CHST10: variants seen among roughly 807,000 people sequenced by gnomAD.
CHST10 encodes HNK-1 sulfotransferase.
Under a neutral mutation model 34.7 loss-of-function variants are expected in CHST10, and 24 were observed. That is an observed-to-expected ratio of 0.69 (90% CI 0.50 to 0.97). The LOEUF is 0.97. CHST10 is among the 50% of genes least tolerant of loss of function. CHST10 has a pLI of 0.00. For missense variants in CHST10, 402 were observed against 452.1 expected, an observed-to-expected ratio of 0.89 and a Z score of 1.00; for synonymous variants, 161 against 169.3, an observed-to-expected ratio of 0.95 and a Z score of 0.38.
At chr2:100,417,168 A>T in intron 1 of CHST10, 1 of 760,520 alleles carries the variant, frequency 1.3e-6, no homozygotes, top group South Asian at 1.4e-5. Context: ...ATCCCGCACA[A>T]GGACGCCTTC....
rs1367089630 is a variant in CHST10 at position 100,398,100 on chromosome 2, G to T, written c.235C>A (p.Leu79Met). ...AGTTCCAGGCGCTCCATGTAGACCAGGGGCTGAACGAGCTGGCTGTCTGGA... is the reference window on the plus strand; with the variant it reads ...AGTTCCAGGCGCTCCATGTAGACCATGGGCTGAACGAGCTGGCTGTCTGGA... ...ELPDSQLVQP[L>M]VYMERLELIR... The change falls in exon 5 of 7, where the codon CTG (leucine) becomes ATG (methionine). Residue 79 changes from leucine (L) to methionine (M), a missense_variant. By Grantham distance (15) the Leu-to-Met change is conservative. Coordinates refer to ENST00000264249, the MANE Select transcript of CHST10 (RefSeq NM_004854.5). The T allele has an allele frequency of 1.1e-5, 17 of 1,613,752 alleles. No homozygotes were observed. In the Admixed American group the frequency reaches 2.8e-4, roughly 27 times the overall value.
chr2:100,399,033 G>T (rs1170054689), intron 4 of CHST10, among the ~76,000 whole-genome samples: 1 of 151,934 alleles, frequency 6.6e-6, no homozygotes, highest in Non-Finnish European at 1.5e-5. Flanking sequence ...CAACCCCATC[G>T]GCCCCCTCTA....
intron 4 of CHST10, among the ~76,000 whole-genome samples, chr2:100,400,950 G>T (rs780370777): frequency 6.6e-6 from 1 of 152,202 alleles, no homozygotes; most frequent in Non-Finnish European, 1.5e-5. Flanking sequence ...CAAAGTGCTG[G>T]GATAACAGGA....
chr2:100,395,426 C>T, intron 6 of CHST10, 83 bp downstream of exon 6: 5 of 1,234,190 alleles, frequency 4.1e-6, no homozygotes, highest in Non-Finnish European at 5.9e-6. Context: ...CTGCCAAGTA[C>T]AGAACTCAGC....
intron 4 of CHST10, among the ~76,000 whole-genome samples, chr2:100,400,224 A>C (rs1675274226): frequency 6.6e-6 from 1 of 152,356 alleles, no homozygotes; most frequent in South Asian, 2.1e-4. Context: ...CTTTTCTTTT[A>C]GCAAAGCATT....
At chr2:100,405,838 C>T (rs1472283150) in intron 3 of CHST10, among the ~76,000 whole-genome samples, 1 of 152,148 alleles carries the variant, frequency 6.6e-6, no homozygotes, top group Non-Finnish European at 1.5e-5. Context: ...GAAGTGGCCT[C>T]GGGGCTGGAG....
At chr2:100,402,775 C>A in intron 3 of CHST10, 120 bp from the exon 4 acceptor site, 1 of 774,576 alleles carries the variant, frequency 1.3e-6, no homozygotes, top group Non-Finnish European at 2.1e-6. Flanking sequence ...TTTGACAAAG[C>A]CATAAAAGCC....
intron 5 of CHST10, among the ~76,000 whole-genome samples, chr2:100,396,667 T>C (rs1675073727): frequency 6.6e-6 from 1 of 152,166 alleles, no homozygotes; most frequent in Non-Finnish European, 1.5e-5. Flanking sequence ...GAACCAGCTC[T>C]GTGGGTCCAC....
At chr2:100,397,845 C>T in intron 5 of CHST10, 63 bp downstream of exon 5, 1 of 1,367,462 alleles carries the variant, frequency 7.3e-7, no homozygotes, top group Non-Finnish European at 1.0e-6. Flanking sequence ...CTGTCCTCCC[C>T]AGCCTCCTCA....
At chr2:100,416,980 C>T (rs1055021841) in intron 1 of CHST10, 5 of 1,304,110 alleles carry the variant, frequency 3.8e-6, no homozygotes, top group Non-Finnish European at 4.0e-6. Context: ...CCCCTGACTC[C>T]CCTCGCACCG....
In CHST10 at chr2:100,402,607, A is replaced by T. The variant is rs1427539508; in HGVS notation, c.149T>A (p.Val50Glu). Residue 50 changes from valine to glutamate, a missense_variant, in exon 4 of 7, where the codon GTG (valine) becomes GAG (glutamate). Physicochemically the swap from Val to Glu is moderately radical, Grantham distance 121. Coordinates refer to ENST00000264249, the MANE Select transcript of CHST10 (RefSeq NM_004854.5). ...EFLFLTTMPE[V>E]RKLPEEKHIP... ...GTGCTTCTCTTCTGGCAACTTCCTC[A>T]CTTCCGGCATGGTTGTCAGGAACAG... 1 of 1,613,826 alleles carries T rather than the reference A, an allele frequency of 6.2e-7. No individual in the cohort carries two copies. The highest frequency in any genetic ancestry group is 2.2e-5 in the East Asian group (1 of 44,876).
At chr2:100,403,980 G>A (rs1316886340) in intron 3 of CHST10, among the ~76,000 whole-genome samples, 1 of 152,208 alleles carries the variant, frequency 6.6e-6, no homozygotes, top group African/African-American at 2.4e-5. Flanking sequence ...GGGCCTCTCT[G>A]ACGCCTGCAG....
chr2:100,402,439 T>G, intron 4 of CHST10, 125 bp downstream of exon 4: 4 of 717,708 alleles, frequency 5.6e-6, no homozygotes, highest in Non-Finnish European at 9.8e-6. Flanking sequence ...CATGGAGAAG[T>G]AACACAGGAA....
rs1674882278 is a variant in CHST10, at chr2:100,393,323, G to A, written c.993C>T (p.Asp331=). The A allele has an allele frequency of 1.2e-6, 2 of 1,614,214 alleles. No individual in the cohort carries two copies. The highest frequency in any genetic ancestry group is 1.7e-6 in the Non-Finnish European group (2 of 1,180,042). Residue 331 remains aspartate (D), a synonymous_variant, in exon 7 of 7, where the codon GAC becomes GAT. Coordinates refer to ENST00000264249, the MANE Select transcript of CHST10 (RefSeq NM_004854.5). ...CGAAACGGGCATACAGGCGTCGGAT[G>A]TCTCGTTTGCTGATGCCCAGGAAAT... ...EHYFLGISKR[D]IRRLYARFEG... is the part of the protein sequence containing the mutation.
chr2:100,398,032 C>A lies in CHST10; in HGVS notation c.303G>T (p.Ser101=), dbSNP rs373281200. Residue 101 remains serine (S), a synonymous_variant, in exon 5 of 7, where the codon TCG becomes TCT. Transcript: ENST00000264249. ...VCRDDALKNL[S]HTPVSKFVLD... ...GGACAAACTTGGAGACAGGAGTGTG[C>A]GAGAGATTCTTCAGGGCATCATCCC... is the stretch of plus-strand genomic sequence containing the variant. 1.9e-6 allele frequency: 3 copies of A among 1,614,014 alleles called. No individual in the cohort carries two copies.
At chr2:100,408,400 C>T (rs1443937928) in intron 2 of CHST10, 1 of 152,160 alleles carries the variant, frequency 6.6e-6, no homozygotes, top group African/African-American at 2.4e-5. Flanking sequence ...CTGCTCACAC[C>T]CATTAGCTCT....
chr2:100,409,693 C>G (rs1675740335), intron 2 of CHST10, among the ~76,000 whole-genome samples: 1 of 152,142 alleles, frequency 6.6e-6, no homozygotes, highest in East Asian at 1.9e-4. Flanking sequence ...TCTTCGGGCT[C>G]CCATTTTTCA....
Position 100,395,504 on chromosome 2 carries a change from C to T in CHST10, c.533+5G>A. ...CCCCCTCCCCTTTGAGGAAGCTGTTCTCACCGCTTCTGAATTTCTGCATCA... is the reference window on the plus strand; with the variant it reads ...CCCCCTCCCCTTTGAGGAAGCTGTTTTCACCGCTTCTGAATTTCTGCATCA... On this transcript the variant is annotated splice_donor_5th_base_variant and intron_variant, in intron 6 of 6. Coordinates refer to ENST00000264249, the MANE Select transcript of CHST10 (RefSeq NM_004854.5). The T allele has an allele frequency of 6.2e-7, 1 of 1,611,404 alleles. No homozygotes were observed. Among genetic ancestry groups the T allele is most frequent in the Non-Finnish European group, 8.5e-7 (1 of 1,177,654 alleles).
At position 100,394,726 on chromosome 2, in the gene CHST10, C is replaced by CTTT. The variant is rs11345127; in HGVS notation, c.533+780_533+782dup. Among the ~76,000 whole-genome samples, 497 of 140,534 alleles carry CTTT rather than the reference C, an allele frequency of 3.5e-3. 3 individuals carry two copies. The highest frequency in any genetic ancestry group is 0.012 in the African/African-American group (466 of 37,852). The allele number at this position is 140,534 out of a possible 152,430, so 92.2% of individuals were successfully genotyped here. A position where few individuals can be genotyped will look rare whatever the true frequency, so the allele number is the denominator to read the frequency against. ...ATCTATTAGCTAAGGACTCCATCTT[C>CTTT]TTTTTTTTTTTTTTTGAGACAGAGT... On this transcript the variant is annotated intron_variant, in intron 6 of 6. Coordinates refer to ENST00000264249, the MANE Select transcript of CHST10 (RefSeq NM_004854.5).
Sources: allele counts gnomAD v4.1 joint callset (sites outside exome capture counted in the v4.1 genomes callset), GRCh38; gene constraint gnomAD v4.1.1; transcripts MANE v1.5; gene names NCBI Gene and HGNC (gene_info 2026-07-23, HGNC 2026-07-21).